Variants in CCND2 observed in about 807,000 individuals in gnomAD.
CCND2 encodes G1/S-specific cyclin-D2.
In CCND2, 6 loss-of-function variants were observed where a neutral mutation model predicts 30.2. The ratio of observed to expected loss-of-function variants is 0.20; its 90% CI spans 0.11 to 0.39. The LOEUF (loss-of-function observed/expected upper bound fraction) is 0.39, where lower values mean the gene tolerates loss of function less well. CCND2 is among the 10% of genes least tolerant of loss of function. CCND2 has a pLI of 1.00. For missense variants in CCND2, 235 were observed against 373.4 expected, an observed-to-expected ratio of 0.63 and a Z score of 3.06; for synonymous variants, 150 against 153.1, an observed-to-expected ratio of 0.98 and a Z score of 0.15.
rs982495296 is a variant in CCND2, at chr12:4,303,238, G to A, written c.*3229G>A. The A allele has an allele frequency of 8.6e-6, 2 of 233,342 alleles. No individual in the cohort carries two copies. Among genetic ancestry groups the A allele is most frequent in the Admixed American group, 5.6e-5 (1 of 17,804 alleles). The allele number at this position is 233,342 out of a possible 1,614,324, so 14.5% of individuals were successfully genotyped here. ...CATCCTTGGGGCCTTGTGTGATGAT[G>A]GGTGTGGGGCTGCCGATGGGAAAGT... On this transcript the variant is annotated 3_prime_UTR_variant, in exon 5 of 5. Transcript: ENST00000261254. The surrounding 1 kb of genome is among the most constrained non-coding windows in gnomAD (Gnocchi z 4.6).
At chr12:4,298,443 T>C (rs1206263091) in intron 4 of CCND2, among the ~76,000 whole-genome samples, 2 of 152,248 alleles carry the variant, frequency 1.3e-5, no homozygotes, top group East Asian at 3.8e-4. Flanking sequence ...GATCGGGAGC[T>C]TGCTGTGTTG....
Position 4,273,881 on chromosome 12 carries a change from A to C in CCND2, c.-160A>C. 1.4e-6 allele frequency: 1 copy of C among 691,418 alleles called. No homozygotes were observed. Among genetic ancestry groups the C allele is most frequent in the Non-Finnish European group, 2.4e-6 (1 of 418,680 alleles). The allele number at this position is 691,418 out of a possible 1,614,324, so 42.8% of individuals were successfully genotyped here. A position where few individuals can be genotyped will look rare whatever the true frequency, so the allele number is the denominator to read the frequency against. On this transcript the variant is annotated 5_prime_UTR_variant, in exon 1 of 5. Coordinates refer to ENST00000261254, the MANE Select transcript of CCND2 (RefSeq NM_001759.4). The surrounding 1 kb of genome is among the most constrained non-coding windows in gnomAD (Gnocchi z 5.9). ...CCAATCCTCGCCTCCCTTCTGCTCC[A>C]CCTTCTCTCTCTGCCCTCACCTCTC...
At chr12:4,284,882 C>T (rs188648326) in intron 3 of CCND2, among the ~76,000 whole-genome samples, 24 of 152,136 alleles carry the variant, frequency 1.6e-4, no homozygotes, top group Admixed American at 1.3e-3. Context: ...ATTACAGGCG[C>T]GTGCCACCAT....
chr12:4,279,157 C>CA (rs975828446), intron 3 of CCND2, among the ~76,000 whole-genome samples: 8 of 151,360 alleles, frequency 5.3e-5, no homozygotes, highest in African/African-American at 7.3e-5. Flanking sequence ...GTGGTTAAGG[C>CA]AAAAAAAATT....
In CCND2 at chr12:4,293,954, G is replaced by A. The variant is rs1021778922; in HGVS notation, c.720+4964G>A. 1.3e-5 allele frequency among the ~76,000 whole-genome samples: 2 copies of A among 152,134 alleles called. No homozygotes were observed. The highest frequency in any genetic ancestry group is 2.9e-5 in the Non-Finnish European group (2 of 68,032). The stretch of plus-strand genomic sequence containing the variant: ...CTCATTTTTCTGTGGGCCTCATTTG[G>A]TATGCAAGGAAATAAGCCAAACAGC... On this transcript the variant is annotated intron_variant, in intron 4 of 4. Coordinates refer to ENST00000261254, the MANE Select transcript of CCND2 (RefSeq NM_001759.4). This position sits in a 1 kb window ranked among gnomAD's most constrained non-coding sequence, Gnocchi z 4.9.
chr12:4,283,602 T>C (rs1863982052), intron 3 of CCND2, among the ~76,000 whole-genome samples: 1 of 152,216 alleles, frequency 6.6e-6, no homozygotes, highest in African/African-American at 2.4e-5. Flanking sequence ...TTTTTATTAA[T>C]ACCTCACCAT....
rs1291661120 is a variant in CCND2, at chr12:4,274,872, G to A, written c.195+637G>A. On this transcript the variant is annotated intron_variant, in intron 1 of 4. Transcript: ENST00000261254. This position sits in a 1 kb window ranked among gnomAD's most constrained non-coding sequence, Gnocchi z 7.7. ...GTGTGCCCACGTATGCACAGCTCTG[G>A]ACCTGCCGTGGTTTCGCCATGTTGC... The A allele has an allele frequency of 2.0e-5, 3 of 152,458 alleles. No homozygotes were observed. The highest frequency in any genetic ancestry group is 4.4e-5 in the Non-Finnish European group (3 of 68,280). 9.4% of individuals were successfully genotyped at this position (152,458 alleles called of 1,614,324 possible).
At position 4,300,249 on chromosome 12, in the gene CCND2, G is replaced by A; in HGVS notation, c.*240G>A. 2.4e-6 allele frequency: 1 copy of A among 423,244 alleles called. No homozygotes were observed. Among genetic ancestry groups the A allele is most frequent in the Non-Finnish European group, 4.2e-6 (1 of 236,262 alleles). The allele number at this position is 423,244 out of a possible 1,614,324, so 26.2% of individuals were successfully genotyped here. Reference sequence around the variant, plus strand: ...AGGGAATCCCTTGTATATGCGAACAGTTATTGTTTGATTATGTAAAAGTAA... The same window carrying A: ...AGGGAATCCCTTGTATATGCGAACAATTATTGTTTGATTATGTAAAAGTAA... On this transcript the variant is annotated 3_prime_UTR_variant, in exon 5 of 5. Coordinates refer to ENST00000261254, the MANE Select transcript of CCND2 (RefSeq NM_001759.4).
At chr12:4,297,869 G>T (rs768925708) in intron 4 of CCND2, 2 of 452,014 alleles carry the variant, frequency 4.4e-6, no homozygotes, top group Non-Finnish European at 8.9e-6. Flanking sequence ...TTTCAGCCTC[G>T]TTCAGGGTGG....
chr12:4,285,418 T>G lies in CCND2; in HGVS notation c.572-3424T>G. ...TTTTTGATCAAGAGACTTAACAGAC[T>G]GCTGAGAAATTTGTACCTGGTTTTT... On this transcript the variant is annotated intron_variant, in intron 3 of 4. Coordinates refer to ENST00000261254, the MANE Select transcript of CCND2 (RefSeq NM_001759.4). This position sits in a 1 kb window ranked among gnomAD's most constrained non-coding sequence, Gnocchi z 4.1. The G allele has an allele frequency of 1.0e-6, 1 of 985,416 alleles. No homozygotes were observed. Among genetic ancestry groups the G allele is most frequent in the Non-Finnish European group, 1.2e-6 (1 of 829,880 alleles). 61.0% of individuals were successfully genotyped at this position (985,416 alleles called of 1,614,324 possible).
rs1812319779 is a variant in CCND2, at chr12:4,286,369, A to G, written c.572-2473A>G. Among the ~76,000 whole-genome samples, 5 of 152,228 alleles carry G rather than the reference A, an allele frequency of 3.3e-5. No homozygotes were observed. The South Asian group carries it at 1.0e-3, about 31-fold the overall frequency. The stretch of plus-strand genomic sequence containing the variant: ...ACCAAGCCCTTGGAAAGAGGAAGTG[A>G]CTTGCCCACAGTCCCACGTCTGGAC... On this transcript the variant is annotated intron_variant, in intron 3 of 4. Coordinates refer to ENST00000261254, the MANE Select transcript of CCND2 (RefSeq NM_001759.4).
rs887260536 is a variant in CCND2, at chr12:4,282,246, C to T, written c.571+3327C>T. ...CACCGGGTAGGGGGAGGTGCTCACC[C>T]TCCCTCTCCAGGCACCCACATCCCC... On this transcript the variant is annotated intron_variant, in intron 3 of 4. Coordinates refer to ENST00000261254, the MANE Select transcript of CCND2 (RefSeq NM_001759.4). The surrounding 1 kb of genome is among the most constrained non-coding windows in gnomAD (Gnocchi z 4.3). 6.6e-6 allele frequency among the ~76,000 whole-genome samples: 1 copy of T among 152,152 alleles called. No homozygotes were observed. The highest frequency in any genetic ancestry group is 1.5e-5 in the Non-Finnish European group (1 of 68,022).
chr12:4,276,316 G>C lies in CCND2; in HGVS notation c.411+96G>C. ...ATCACCACTGCCAGAGCAAATTCTT[G>C]GGATCCAGAATGACCCCACCAATAG... On this transcript the variant is annotated intron_variant, in intron 2 of 4. Coordinates refer to ENST00000261254, the MANE Select transcript of CCND2 (RefSeq NM_001759.4). The surrounding 1 kb of genome is among the most constrained non-coding windows in gnomAD (Gnocchi z 4.8). The C allele has an allele frequency of 9.6e-7, 1 of 1,037,300 alleles. No individual in the cohort carries two copies. The highest frequency in any genetic ancestry group is 1.5e-5 in the South Asian group (1 of 67,238). 64.3% of individuals were successfully genotyped at this position (1,037,300 alleles called of 1,614,324 possible).
rs566885273 is a variant in CCND2, at chr12:4,302,305, G to C, written c.*2296G>C. On this transcript the variant is annotated 3_prime_UTR_variant, in exon 5 of 5. Transcript: ENST00000261254. ...AGACGTTCAGTACAAACATTTATGC[G>C]GTAGGCTCAGATGTCGTAATTTGCA... is the stretch of plus-strand genomic sequence containing the variant. 1.7e-5 allele frequency: 4 copies of C among 232,832 alleles called. No individual in the cohort carries two copies. Among genetic ancestry groups the C allele is most frequent in the African/African-American group, 8.8e-5 (4 of 45,276 alleles). The allele number at this position is 232,832 out of a possible 1,614,324, so 14.4% of individuals were successfully genotyped here.
intron 4 of CCND2, among the ~76,000 whole-genome samples, chr12:4,295,185 T>C (rs759420814): frequency 1.9e-4 from 29 of 152,370 alleles, no homozygotes; most frequent in Non-Finnish European, 3.7e-4. Context: ...CCAAGTTCTC[T>C]TTCCACCATC....
At chr12:4,289,090 GGTTT>G (rs1565435322) in intron 4 of CCND2, 100 bp downstream of exon 4, 3 of 1,231,256 alleles carry the variant, frequency 2.4e-6, no homozygotes, top group Non-Finnish European at 3.3e-6. Context: ...GTATTTTTCT[GGTTT>G]GTTTCCTAAG....
At chr12:4,275,191 C>G (rs1863850882) in intron 1 of CCND2, 1 of 152,304 alleles carries the variant, frequency 6.6e-6, no homozygotes, top group Admixed American at 6.5e-5. Flanking sequence ...TCACCGCGTT[C>G]CCTAGTTTCT....
chr12:4,284,739 TTTTTC>T lies in CCND2; in HGVS notation c.572-4098_572-4094del, dbSNP rs1259237327. Among the ~76,000 whole-genome samples, 335 of 101,786 alleles carry T rather than the reference TTTTTC, an allele frequency of 3.3e-3. 3 individuals carry two copies. Among genetic ancestry groups the T allele is most frequent in the African/African-American group, 0.013 (289 of 22,230 alleles). The allele number at this position is 101,786 out of a possible 152,430, so 66.8% of individuals were successfully genotyped here. On this transcript the variant is annotated intron_variant, in intron 3 of 4. Coordinates refer to ENST00000261254, the MANE Select transcript of CCND2 (RefSeq NM_001759.4). ...CTCCTTTCTTTTTTTTTTTCTTTTC[TTTTTC>T]TTTTTTTTTTTTGAGACAGTCTTGC...
chr12:4,304,877 G>C lies in CCND2; in HGVS notation c.*4868G>C, dbSNP rs180860278. On this transcript the variant is annotated 3_prime_UTR_variant, in exon 5 of 5. Transcript: ENST00000261254. The surrounding 1 kb of genome is among the most constrained non-coding windows in gnomAD (Gnocchi z 6.2). ...ACTCTTACATCCCCAGCAAATCATC[G>C]GGCCATTGGATTTTTTCCATTATGT... 4.7e-5 allele frequency: 11 copies of C among 233,468 alleles called. No homozygotes were observed. Among genetic ancestry groups the C allele is most frequent in the Non-Finnish European group, 9.3e-5 (11 of 118,016 alleles). 14.5% of individuals were successfully genotyped at this position (233,468 alleles called of 1,614,324 possible). A position where few individuals can be genotyped will look rare whatever the true frequency, so the allele number is the denominator to read the frequency against.
Sources: allele counts gnomAD v4.1 joint callset (sites outside exome capture counted in the v4.1 genomes callset), GRCh38; gene constraint gnomAD v4.1.1; non-coding constraint Gnocchi (gnomAD v3.1); transcripts MANE v1.5; gene names NCBI Gene and HGNC (gene_info 2026-07-23, HGNC 2026-07-21).